Variants in NRP1 observed in about 807,000 individuals in gnomAD.
NRP1 encodes the protein neuropilin-1.
NRP1 carries 35 observed loss-of-function variants against 106.7 expected under a neutral mutation model. That is an observed-to-expected ratio of 0.33 (90% confidence interval 0.25 to 0.43). The LOEUF (loss-of-function observed/expected upper bound fraction) is 0.43. Among genes scored for constraint, NRP1 ranks in the 20% least tolerant of loss-of-function variants. NRP1 has a pLI of 1.00. For missense variants in NRP1, 1,024 were observed against 1,170.4 expected (o/e 0.87, Z 1.83); for synonymous variants, 437 against 417.9 (o/e 1.05, Z -0.56).
In NRP1 at chr10:33,202,794, C is replaced by T. The variant is rs61760423; in HGVS notation, c.1864+97G>A. ...GCTTCTATTCCTGGGCAGCTCTCTG[C>T]CATGCGGAGTTACAAGCACACACAC... On this transcript the variant is annotated intron_variant, in intron 11 of 16. Coordinates refer to ENST00000374867, the MANE Select transcript of NRP1 (RefSeq NM_003873.7). The T allele has an allele frequency of 3.1e-3, 5,059 of 1,608,100 alleles. 13 individuals carry two copies. Among genetic ancestry groups the T allele is most frequent in the Non-Finnish European group, 3.7e-3 (4,307 of 1,176,796 alleles).
chr10:33,291,140 G>A (rs952428167), intron 2 of NRP1, among the ~76,000 whole-genome samples: 3 of 152,326 alleles, frequency 2.0e-5, no homozygotes, highest in African/African-American at 7.2e-5. Context: ...TTTAAAAGCT[G>A]CCTGCTTTTT....
At chr10:33,227,770 A>G (rs1307365699) in intron 6 of NRP1, among the ~76,000 whole-genome samples, 1 of 152,060 alleles carries the variant, frequency 6.6e-6, no homozygotes, top group Non-Finnish European at 1.5e-5. Context: ...GGGCCCTGTG[A>G]TGTGAGTGGG....
chr10:33,236,529 C>A (rs1454499481), intron 6 of NRP1, among the ~76,000 whole-genome samples: 1 of 152,150 alleles, frequency 6.6e-6, no homozygotes, highest in Non-Finnish European at 1.5e-5. Context: ...GTAGGAATTG[C>A]ATGGGTTAGG....
At chr10:33,322,493 C>T (rs1452587188) in intron 2 of NRP1, among the ~76,000 whole-genome samples, 1 of 152,104 alleles carries the variant, frequency 6.6e-6, no homozygotes, top group African/African-American at 2.4e-5. Flanking sequence ...AAGCGATCTT[C>T]CTGCCTTGGC....
chr10:33,194,469 C>A, intron 12 of NRP1: 1 of 250,144 alleles, frequency 4.0e-6, no homozygotes, highest in Non-Finnish European at 8.2e-6. Flanking sequence ...TCTGATGATA[C>A]CATAAAATGT....
chr10:33,264,884 G>A (rs1022931113), intron 3 of NRP1, among the ~76,000 whole-genome samples: 8 of 152,030 alleles, frequency 5.3e-5, no homozygotes, highest in East Asian at 1.9e-4. Flanking sequence ...TGAGGTGGGC[G>A]GATCACCTGA....
intron 7 of NRP1, among the ~76,000 whole-genome samples, chr10:33,223,484 G>T (rs890474658): frequency 2.6e-5 from 4 of 151,906 alleles, no homozygotes; most frequent in Non-Finnish European, 4.4e-5. Context: ...AATTAGCCAG[G>T]TATGGTGGTG....
chr10:33,188,774 G>A (rs1254896764), intron 13 of NRP1, among the ~76,000 whole-genome samples: 1 of 151,330 alleles, frequency 6.6e-6, no homozygotes, highest in African/African-American at 2.4e-5. Flanking sequence ...CTACATAGCT[G>A]TAGTCCTAAG....
chr10:33,296,830 A>G (rs767404461), intron 2 of NRP1, among the ~76,000 whole-genome samples: 7 of 152,022 alleles, frequency 4.6e-5, no homozygotes, highest in African/African-American at 7.2e-5. Context: ...GGAGTTCAAG[A>G]CCAGTATGGC....
At position 33,323,196 on chromosome 10, in the gene NRP1, C is replaced by T. The variant is rs538957594; in HGVS notation, c.248+7512G>A. Among the ~76,000 whole-genome samples, 9 of 151,794 alleles carry T rather than the reference C, an allele frequency of 5.9e-5. 1 individual carries two copies. The South Asian group carries it at 8.4e-4, about 14-fold the overall frequency. ...CAGCCTGGGCAACATAGTGAGAAGC[C>T]CCCCCATCCTTCTGTGTTTTAAATA... On this transcript the variant is annotated intron_variant, in intron 2 of 16. Transcript: ENST00000374867.
At chr10:33,270,186 C>T (rs939228039) in intron 3 of NRP1, among the ~76,000 whole-genome samples, 20 of 152,020 alleles carry the variant, frequency 1.3e-4, no homozygotes, top group African/African-American at 4.8e-4. Flanking sequence ...TACACTTCCT[C>T]CATACAATGG....
chr10:33,328,237 C>A (rs948010930), intron 2 of NRP1, among the ~76,000 whole-genome samples: 1 of 152,104 alleles, frequency 6.6e-6, no homozygotes, highest in African/African-American at 2.4e-5. Flanking sequence ...CTCCTTTAAT[C>A]CCATTATACC....
intron 2 of NRP1, among the ~76,000 whole-genome samples, chr10:33,319,681 G>A (rs1319035399): frequency 2.0e-5 from 3 of 150,650 alleles, no homozygotes; most frequent in South Asian, 4.2e-4. Flanking sequence ...CTGCCTCGCG[G>A]GTTCATGCCA....
chr10:33,180,101 G>A lies in NRP1; in HGVS notation c.2747C>T (p.Thr916Ile). 1.9e-6 allele frequency: 3 copies of A among 1,614,140 alleles called. No individual in the cohort carries two copies. Among genetic ancestry groups the A allele is most frequent in the African/African-American group, 1.3e-5 (1 of 75,022 alleles). The change falls in exon 17 of 17, where the codon ACA becomes ATA. Residue 916 changes from threonine (T) to isoleucine (I), a missense_variant. This residue lies in a region of NRP1 where 164 missense variants were observed against 161.4 expected (regional missense o/e 1.02). Transcript: ENST00000374867. ...GVKLKKDKLN[T>I]QSTYSEA ...TCATGCCTCCGAATAAGTACTCTGTGTATTCAGTTTGTCTTTTTTCAACTT... is the reference window on the plus strand; with the variant it reads ...TCATGCCTCCGAATAAGTACTCTGTATATTCAGTTTGTCTTTTTTCAACTT...
intron 2 of NRP1, among the ~76,000 whole-genome samples, chr10:33,273,974 T>A (rs9299707): frequency 0.72 from 108,883 of 151,922 alleles, 40,034 homozygotes; most frequent in East Asian, 0.97. Context: ...TGTAAACATG[T>A]TGTGGATTTT....
chr10:33,288,200 A>G (rs963504330), intron 2 of NRP1: 3 of 152,174 alleles, frequency 2.0e-5, no homozygotes, highest in Non-Finnish European at 4.4e-5. Flanking sequence ...TTTAAAGCTC[A>G]AATAGAAAGA....
rs913901618 is a variant in NRP1 at position 33,210,724 on chromosome 10, T to C, written c.1614+2662A>G. On this transcript the variant is annotated intron_variant, in intron 9 of 16. Transcript: ENST00000374867. ...TGGGGTAGAGAGTGAGGAAAGGGCATTGAAAATTTAAATCCATCCAAGTGC... is the reference window on the plus strand; with the variant it reads ...TGGGGTAGAGAGTGAGGAAAGGGCACTGAAAATTTAAATCCATCCAAGTGC... Among the ~76,000 whole-genome samples the C allele has an allele frequency of 7.9e-5, 12 of 152,336 alleles. No individual in the cohort carries two copies. In the East Asian group the frequency reaches 1.9e-3, roughly 24 times the overall value.
rs537344383 is a variant in NRP1, at chr10:33,184,394, T to C, written c.2431+1234A>G. Among the ~76,000 whole-genome samples, 40 of 152,386 alleles carry C rather than the reference T, an allele frequency of 2.6e-4. No homozygotes were observed. In the South Asian group the frequency reaches 4.1e-3, roughly 16 times the overall value. ...GTCAGTTAGAACTTGTTGAACCGAA[T>C]TGAATTTCGTTAGAACTTGTTGAAC... On this transcript the variant is annotated intron_variant, in intron 15 of 16. Transcript: ENST00000374867.
chr10:33,204,079 A>ATCT (rs1186865585), intron 10 of NRP1, among the ~76,000 whole-genome samples: 1 of 152,072 alleles, frequency 6.6e-6, no homozygotes, highest in African/African-American at 2.4e-5. Context: ...CAATCTGTTT[A>ATCT]ATATTTTACA....
Sources: gnomAD v4.1 joint callset for allele counts (sites outside exome capture counted in the v4.1 genomes callset) on GRCh38, gnomAD v4.1.1 for gene constraint, gnomAD v4.1.1 regional missense constraint, MANE v1.5 for transcripts, NCBI Gene and HGNC (gene_info 2026-07-23, HGNC 2026-07-21) for gene names.